Variants in PBX3 observed in about 807,000 individuals in gnomAD.
PBX3 encodes the protein pre-B-cell leukemia transcription factor 3.
Under a neutral mutation model 48.5 loss-of-function variants are expected in PBX3, and 14 were observed. The ratio of observed to expected loss-of-function variants is 0.29; its 90% CI spans 0.19 to 0.45. The LOEUF (loss-of-function observed/expected upper bound fraction) is 0.45. Among genes scored for constraint, PBX3 ranks in the 20% least tolerant of loss-of-function variants. PBX3 has a pLI of 1.00. For synonymous variants in PBX3, 210 were observed against 200.3 expected, an observed-to-expected ratio of 1.05 and a Z score of -0.41; for missense variants, 386 against 546.7, an observed-to-expected ratio of 0.71 and a Z score of 2.93.
At chr9:125,795,596 G>A (rs756024108) in intron 2 of PBX3, among the ~76,000 whole-genome samples, 21 of 151,856 alleles carry the variant, frequency 1.4e-4, no homozygotes, top group Non-Finnish European at 2.5e-4. Context: ...ATGCCTTATT[G>A]CATCTAAAGA....
intron 2 of PBX3, among the ~76,000 whole-genome samples, chr9:125,867,680 A>G (rs1840017116): frequency 1.3e-5 from 2 of 151,042 alleles, no homozygotes; most frequent in Admixed American, 6.6e-5. Flanking sequence ...ACAAAACAAA[A>G]TTTAGTAGAT....
intron 2 of PBX3, among the ~76,000 whole-genome samples, chr9:125,870,106 A>G (rs899074589): frequency 6.7e-6 from 1 of 149,546 alleles, no homozygotes; most frequent in African/African-American, 2.5e-5. Context: ...CAGTAGCACT[A>G]TCTCAGCTCA....
At chr9:125,757,316 T>C (rs949627479) in intron 2 of PBX3, among the ~76,000 whole-genome samples, 13 of 152,190 alleles carry the variant, frequency 8.5e-5, no homozygotes, top group African/African-American at 3.1e-4. Context: ...GTTGTTGGAA[T>C]TCATAGTCAG....
At chr9:125,880,472 A>G (rs1337782989) in intron 2 of PBX3, among the ~76,000 whole-genome samples, 1 of 152,250 alleles carries the variant, frequency 6.6e-6, no homozygotes, top group East Asian at 1.9e-4. Flanking sequence ...TATTTTCAAT[A>G]TTAATTATCT....
intron 2 of PBX3, among the ~76,000 whole-genome samples, chr9:125,830,334 G>A (rs1220383375): frequency 2.0e-5 from 3 of 152,012 alleles, no homozygotes; most frequent in Admixed American, 6.6e-5. Flanking sequence ...AAGAATTATA[G>A]ATACAATATT....
At chr9:125,922,957 A>C (rs928365329) in intron 3 of PBX3, among the ~76,000 whole-genome samples, 7 of 152,362 alleles carry the variant, frequency 4.6e-5, no homozygotes, top group East Asian at 1.9e-4. Context: ...TAATGAGCTA[A>C]AGTGCACACT....
intron 2 of PBX3, among the ~76,000 whole-genome samples, chr9:125,853,284 C>G (rs1467301141): frequency 2.0e-5 from 3 of 152,156 alleles, no homozygotes; most frequent in Non-Finnish European, 4.4e-5. Context: ...CCATGATTTC[C>G]TCAAGTATTG....
At chr9:125,955,728 T>G (rs1842291872) in intron 5 of PBX3, among the ~76,000 whole-genome samples, 1 of 152,324 alleles carries the variant, frequency 6.6e-6, no homozygotes, top group South Asian at 2.1e-4. Flanking sequence ...TGCTGGGATA[T>G]CTCTTCCTCC....
At chr9:125,902,579 C>T (rs1004654161) in intron 2 of PBX3, among the ~76,000 whole-genome samples, 3 of 151,616 alleles carry the variant, frequency 2.0e-5, no homozygotes, top group Non-Finnish European at 4.4e-5. Context: ...ATTTAAAACA[C>T]GCACAATACA....
intron 2 of PBX3, among the ~76,000 whole-genome samples, chr9:125,780,784 C>G (rs1184719031): frequency 1.4e-5 from 2 of 145,842 alleles, no homozygotes; most frequent in Admixed American, 6.7e-5. Context: ...CTGACCCCCC[C>G]ACCTCCCTCC....
At chr9:125,865,965 T>A (rs937381685) in intron 2 of PBX3, among the ~76,000 whole-genome samples, 1 of 151,812 alleles carries the variant, frequency 6.6e-6, no homozygotes, top group Non-Finnish European at 1.5e-5. Flanking sequence ...TCCCCCAATT[T>A]TTTTCCCCCC....
rs138271164 is a variant in PBX3, at chr9:125,923,807, C to A, written c.517-5848C>A. 4.3e-3 allele frequency among the ~76,000 whole-genome samples: 629 copies of A among 147,518 alleles called. 4 individuals are homozygous for A. Among genetic ancestry groups the A allele is most frequent in the Non-Finnish European group, 6.4e-3 (430 of 66,774 alleles). On this transcript the variant is annotated intron_variant, in intron 3 of 8. Coordinates refer to ENST00000373489, the MANE Select transcript of PBX3 (RefSeq NM_006195.6). The stretch of plus-strand genomic sequence containing the variant: ...TCTTGTACTCCTGGGCTCAAACATT[C>A]CTCCTGCCTCGGCCTCTTGAAGGGC...
At chr9:125,779,075 C>T (rs1007834521) in intron 2 of PBX3, among the ~76,000 whole-genome samples, 2 of 133,826 alleles carry the variant, frequency 1.5e-5, no homozygotes, top group African/African-American at 5.7e-5. Flanking sequence ...CAATAACCTC[C>T]CATCCCCCAC....
At chr9:125,783,321 C>CA (rs1276779728) in intron 2 of PBX3, among the ~76,000 whole-genome samples, 7 of 151,988 alleles carry the variant, frequency 4.6e-5, no homozygotes, top group Admixed American at 2.0e-4. Context: ...GAGTTTTACT[C>CA]ATGTTGCCCA....
intron 2 of PBX3, among the ~76,000 whole-genome samples, chr9:125,862,561 A>G (rs1356726373): frequency 6.6e-6 from 1 of 151,848 alleles, no homozygotes; most frequent in Admixed American, 6.6e-5. Context: ...TAATTTTTGT[A>G]TTTTTAGTAG....
intron 2 of PBX3, among the ~76,000 whole-genome samples, chr9:125,770,986 G>A (rs190389345): frequency 1.3e-5 from 2 of 152,304 alleles, no homozygotes; most frequent in Admixed American, 1.3e-4. Context: ...TTGAATAACA[G>A]CAGACATTTT....
chr9:125,831,089 T>C (rs1838950080), intron 2 of PBX3, among the ~76,000 whole-genome samples: 1 of 152,240 alleles, frequency 6.6e-6, no homozygotes, highest in Admixed American at 6.5e-5. Context: ...TCCTGTAGAA[T>C]GCCCCAATTC....
At chr9:125,851,454 G>A (rs1484829568) in intron 2 of PBX3, among the ~76,000 whole-genome samples, 2 of 152,000 alleles carry the variant, frequency 1.3e-5, no homozygotes, top group African/African-American at 2.4e-5. Context: ...ACCAAGGTGG[G>A]ATTTATGATT....
At chr9:125,849,084 C>T (rs1224125106) in intron 2 of PBX3, among the ~76,000 whole-genome samples, 1 of 151,882 alleles carries the variant, frequency 6.6e-6, no homozygotes, top group Non-Finnish European at 1.5e-5. Flanking sequence ...AATGGAAGCT[C>T]CAAGATGTTA....
Sources: allele counts gnomAD v4.1 joint callset (sites outside exome capture counted in the v4.1 genomes callset), GRCh38; gene constraint gnomAD v4.1.1; transcripts MANE v1.5; gene names NCBI Gene and HGNC (gene_info 2026-07-23, HGNC 2026-07-21).